Variants in TTLL11 observed in about 807,000 individuals in gnomAD.
TTLL11 encodes the protein tubulin tyrosine ligase like 11, also known as tubulin polyglutamylase TTLL11.
A neutral mutation model predicts 51.7 loss-of-function variants in TTLL11; 42 were observed. The observed-to-expected ratio is 0.81, with a 90% CI of 0.64 to 1.05. TTLL11 has a LOEUF of 1.05. Among genes scored for constraint, TTLL11 ranks in the 50% least tolerant of loss-of-function variants. The pLI, the probability that TTLL11 is intolerant of heterozygous loss-of-function variation, is 0.00. For synonymous variants in TTLL11, 381 were observed against 383.5 expected (o/e 0.99, Z 0.08); for missense variants, 799 against 940.4 (o/e 0.85, Z 1.97).
chr9:122,063,040 CA>C (rs894759085), intron 1 of TTLL11, among the ~76,000 whole-genome samples: 1 of 152,174 alleles, frequency 6.6e-6, no homozygotes, highest in Non-Finnish European at 1.5e-5. Flanking sequence ...CTTGACCTCC[CA>C]AATTGCTGGG....
chr9:122,002,894 C>T lies in TTLL11; in HGVS notation c.694-13124G>A, dbSNP rs571863571. On this transcript the variant is annotated intron_variant, in intron 3 of 8. Transcript: ENST00000321582. ...CTGGGAGGTGGAGGTTGCAGTGAGC[C>T]GAGAGCACACCACTGCACTCCAGCC... Among the ~76,000 whole-genome samples the T allele has an allele frequency of 5.1e-3, 717 of 141,764 alleles. 2 individuals carry two copies. The highest frequency in any genetic ancestry group is 8.4e-3 in the Non-Finnish European group (563 of 66,862). 93.0% of individuals were successfully genotyped at this position (141,764 alleles called of 152,430 possible).
intron 6 of TTLL11, among the ~76,000 whole-genome samples, chr9:121,935,570 A>G (rs1313422174): frequency 3.9e-5 from 6 of 152,188 alleles, no homozygotes; most frequent in South Asian, 4.1e-4. Context: ...ACTTAATCCA[A>G]TTAGATTTTA....
At chr9:121,840,687 T>C (rs1837323083) in intron 8 of TTLL11, among the ~76,000 whole-genome samples, 1 of 152,178 alleles carries the variant, frequency 6.6e-6, no homozygotes, top group African/African-American at 2.4e-5. Flanking sequence ...TGAGCCACCA[T>C]GCCCAGCTGA....
intron 6 of TTLL11, among the ~76,000 whole-genome samples, chr9:121,901,743 G>T (rs1839784371): frequency 6.6e-6 from 1 of 152,018 alleles, no homozygotes; most frequent in Non-Finnish European, 1.5e-5. Context: ...CTCATTGTTG[G>T]GTCTCTAGAC....
chr9:121,934,833 T>G (rs1020635767), intron 6 of TTLL11, among the ~76,000 whole-genome samples: 1 of 152,206 alleles, frequency 6.6e-6, no homozygotes, highest in African/African-American at 2.4e-5. Context: ...AAAAAGGTTT[T>G]TTACTGTTTC....
chr9:121,940,185 T>A (rs1162140394), intron 6 of TTLL11, among the ~76,000 whole-genome samples: 1 of 152,216 alleles, frequency 6.6e-6, no homozygotes, highest in Non-Finnish European at 1.5e-5. Flanking sequence ...AGCTGTGTTA[T>A]ATTTTTTGAA....
At chr9:121,997,244 C>CCA (rs60751185) in intron 3 of TTLL11, among the ~76,000 whole-genome samples, 148,705 of 152,190 alleles carry the variant, frequency 0.98, 72,752 homozygotes, top group East Asian at 1. Flanking sequence ...TAGGAAGGGC[C>CCA]GTCGTACCGT....
intron 6 of TTLL11, among the ~76,000 whole-genome samples, chr9:121,892,566 C>G (rs544828334): frequency 2.6e-5 from 4 of 152,106 alleles, no homozygotes; most frequent in Non-Finnish European, 5.9e-5. Context: ...TCCCACAACA[C>G]GTGGGAATTA....
chr9:121,838,626 C>T (rs1837249106), intron 8 of TTLL11, among the ~76,000 whole-genome samples: 1 of 152,050 alleles, frequency 6.6e-6, no homozygotes, highest in Admixed American at 6.6e-5. Context: ...GGCTGAAGCA[C>T]AAGAATCGCT....
chr9:122,028,171 A>G (rs1207603624), intron 3 of TTLL11, among the ~76,000 whole-genome samples: 2 of 152,226 alleles, frequency 1.3e-5, no homozygotes, highest in Non-Finnish European at 1.5e-5. Flanking sequence ...GAGATAAAAT[A>G]AAACACTAAA....
chr9:121,831,790 A>C (rs894383815), intron 8 of TTLL11, among the ~76,000 whole-genome samples: 1 of 152,034 alleles, frequency 6.6e-6, no homozygotes, highest in African/African-American at 2.4e-5. Context: ...ACACAGAACA[A>C]GCTTTATCCT....
At chr9:121,880,429 C>T (rs148889694) in intron 6 of TTLL11, among the ~76,000 whole-genome samples, 2 of 152,320 alleles carry the variant, frequency 1.3e-5, no homozygotes, top group African/African-American at 4.8e-5. Context: ...TCCCAAAATG[C>T]TTCCCACGGC....
Position 121,955,923 on chromosome 9 carries a change from G to T in TTLL11, c.1481+18086C>A, listed in dbSNP as rs951601883. The stretch of plus-strand genomic sequence containing the variant: ...GGTTCAGAACCACAGTGAAATTTGG[G>T]AGTGGAACATAATTTATCTATTGTT... On this transcript the variant is annotated intron_variant, in intron 6 of 8. Transcript: ENST00000321582. Among the ~76,000 whole-genome samples the T allele has an allele frequency of 5.3e-5, 8 of 152,324 alleles. No individual in the cohort carries two copies. The South Asian group carries it at 6.2e-4, about 12-fold the overall frequency.
chr9:121,906,594 A>AC (rs1564298981), intron 6 of TTLL11, among the ~76,000 whole-genome samples: 2 of 147,018 alleles, frequency 1.4e-5, no homozygotes, highest in African/African-American at 5.0e-5. Flanking sequence ...CAGGAGGAGG[A>AC]TTTTTTTTTT....
chr9:121,826,770 G>A (rs1449396235), intron 8 of TTLL11, among the ~76,000 whole-genome samples: 1 of 151,726 alleles, frequency 6.6e-6, no homozygotes, highest in African/African-American at 2.4e-5. Context: ...CTAGGGGTTG[G>A]GGGCATCGGT....
In TTLL11 at chr9:121,964,300, TG is replaced by T. The variant is rs1554774962; in HGVS notation, c.1481+9708del. Among the ~76,000 whole-genome samples the T allele has an allele frequency of 3.1e-3, 450 of 144,358 alleles. 3 individuals carry two copies. The highest frequency in any genetic ancestry group is 0.012 in the African/African-American group (440 of 36,096). 94.7% of individuals were successfully genotyped at this position (144,358 alleles called of 152,430 possible). A position where few individuals can be genotyped will look rare whatever the true frequency, so the allele number is the denominator to read the frequency against. On this transcript the variant is annotated intron_variant, in intron 6 of 8. Transcript: ENST00000321582. Reference sequence around the variant, plus strand: ...ATTTCTTTTCCTTTTTTTTGTTTTTTGTTTTTTGTTTTTTGGAGACTGAGTC... The same window carrying T: ...ATTTCTTTTCCTTTTTTTTGTTTTTTTTTTTTGTTTTTTGGAGACTGAGTC...
At chr9:121,931,584 TAAAAA>T (rs757552624) in intron 6 of TTLL11, among the ~76,000 whole-genome samples, 1 of 130,742 alleles carries the variant, frequency 7.6e-6, no homozygotes, top group African/African-American at 3.2e-5. Context: ...TTCTACTATT[TAAAAA>T]AAAAAAAAAA....
rs3802488 is a variant in TTLL11, at chr9:121,821,132, C to G, written c.*1455G>C. Among the ~76,000 whole-genome samples, 4 of 151,904 alleles carry G rather than the reference C, an allele frequency of 2.6e-5. No homozygotes were observed. Among genetic ancestry groups the G allele is most frequent in the African/African-American group, 9.6e-5 (4 of 41,476 alleles). ...TGGGTTTAAAAATATCTGGGGAGGG[C>G]GGATTCAAGTAACTTGTTTCCACAG... On this transcript the variant is annotated 3_prime_UTR_variant, in exon 9 of 9. Coordinates refer to ENST00000321582, the MANE Select transcript of TTLL11 (RefSeq NM_001139442.2). The surrounding 1 kb of genome is among the most constrained non-coding windows in gnomAD (Gnocchi z 5.0).
chr9:121,934,509 C>T (rs1426530694), intron 6 of TTLL11, among the ~76,000 whole-genome samples: 2 of 152,168 alleles, frequency 1.3e-5, no homozygotes, highest in African/African-American at 4.8e-5. Flanking sequence ...CCAGTTTTTG[C>T]TTAAACGTTC....
Sources: gnomAD v4.1 joint callset for allele counts (sites outside exome capture counted in the v4.1 genomes callset) on GRCh38, gnomAD v4.1.1 for gene constraint, Gnocchi (gnomAD v3.1) non-coding constraint, MANE v1.5 for transcripts, NCBI Gene and HGNC (gene_info 2026-07-23, HGNC 2026-07-21) for gene names.